Variants in MTMR2 observed in about 807,000 individuals in gnomAD.
MTMR2 encodes the protein phosphatidylinositol-3,5-bisphosphate 3-phosphatase MTMR2.
A neutral mutation model predicts 86.9 loss-of-function variants in MTMR2; 55 were observed. That is an observed-to-expected ratio of 0.63 (90% CI 0.51 to 0.79). The LOEUF (loss-of-function observed/expected upper bound fraction) is 0.79, where lower values mean the gene tolerates loss of function less well. Ranked by LOEUF, MTMR2 falls within the 30% of genes least tolerant of loss-of-function variation. The pLI is 0.00. For synonymous variants in MTMR2, 241 were observed against 266.8 expected, an observed-to-expected ratio of 0.90 and a Z score of 0.94; for missense variants, 659 against 772.3, an observed-to-expected ratio of 0.85 and a Z score of 1.74.
At chr11:95,857,476 T>C (rs1864252906) in intron 7 of MTMR2, 76 bp downstream of exon 7, 1 of 1,024,226 alleles carries the variant, frequency 9.8e-7, no homozygotes, top group Admixed American at 1.8e-5. Flanking sequence ...CTGGTTTTCG[T>C]ACATGGTTCC....
intron 9 of MTMR2, 21 bp from the exon 10 acceptor site, chr11:95,847,920 T>G: frequency 6.3e-7 from 1 of 1,586,668 alleles, no homozygotes; most frequent in Non-Finnish European, 8.6e-7. Flanking sequence ...GCACACATCA[T>G]GGAAAATCAT....
intron 1 of MTMR2, among the ~76,000 whole-genome samples, chr11:95,919,426 A>C (rs1260952897): frequency 2.0e-5 from 3 of 152,170 alleles, no homozygotes; most frequent in Non-Finnish European, 2.9e-5. Context: ...ATCAATGCTA[A>C]TGAAATTATA....
At chr11:95,893,076 C>T (rs1367515643) in intron 1 of MTMR2, among the ~76,000 whole-genome samples, 1 of 152,098 alleles carries the variant, frequency 6.6e-6, no homozygotes, top group East Asian at 1.9e-4. Flanking sequence ...TTACTATCAT[C>T]CACCCACCCA....
intron 2 of MTMR2, among the ~76,000 whole-genome samples, chr11:95,872,949 T>G (rs1864950202): frequency 6.6e-6 from 1 of 152,220 alleles, no homozygotes; most frequent in South Asian, 2.1e-4. Flanking sequence ...CAGCCTTACA[T>G]CCCAGGGATG....
chr11:95,881,684 G>A (rs472864), intron 2 of MTMR2, among the ~76,000 whole-genome samples: 42,698 of 151,546 alleles, frequency 0.28, 10,787 homozygotes, highest in African/African-American at 0.68. Flanking sequence ...TCTTGTATCC[G>A]GCAACAGTGG....
At position 95,912,464 on chromosome 11, in the gene MTMR2, A is replaced by G. The variant is rs556590555; in HGVS notation, c.80+11411T>C. 2.0e-5 allele frequency among the ~76,000 whole-genome samples: 3 copies of G among 151,870 alleles called. No homozygotes were observed. The South Asian group carries it at 6.2e-4, about 32-fold the overall frequency. ...CTATTTTAAAATGACGTTTTTTAAA[A>G]ATCATAGAATAAAAATGTCTTGAAA... On this transcript the variant is annotated intron_variant, in intron 1 of 14. Transcript: ENST00000346299.
intron 1 of MTMR2, among the ~76,000 whole-genome samples, chr11:95,898,449 T>C (rs1865955150): frequency 6.6e-6 from 1 of 152,014 alleles, no homozygotes; most frequent in African/African-American, 2.4e-5. Flanking sequence ...ACCCTTGCTG[T>C]TGTTGGTGAA....
chr11:95,909,283 TCTTCA>T (rs1479092815), intron 1 of MTMR2, among the ~76,000 whole-genome samples: 6 of 152,162 alleles, frequency 3.9e-5, no homozygotes, highest in African/African-American at 1.2e-4. Flanking sequence ...GACAAAGCAC[TCTTCA>T]CTTATTTTTT....
chr11:95,846,055 T>C (rs1863777984), intron 10 of MTMR2, among the ~76,000 whole-genome samples: 1 of 152,126 alleles, frequency 6.6e-6, no homozygotes, highest in African/African-American at 2.4e-5. Context: ...TATAAGCATA[T>C]TCTGGAAATG....
intron 3 of MTMR2, 72 bp downstream of exon 3, chr11:95,865,529 T>C: frequency 7.3e-7 from 1 of 1,366,122 alleles, no homozygotes; most frequent in South Asian, 1.2e-5. Flanking sequence ...TTATTCTCTG[T>C]ATGCTGAGAG....
Position 95,915,664 on chromosome 11 carries a change from C to A in MTMR2, c.80+8211G>T, listed in dbSNP as rs545717806. The stretch of plus-strand genomic sequence containing the variant: ...TTTATTTCCCTTATGGAAACCACAT[C>A]CTTACAACTGAAATGAGAGAAAATA... On this transcript the variant is annotated intron_variant, in intron 1 of 14. Coordinates refer to ENST00000346299, the MANE Select transcript of MTMR2 (RefSeq NM_016156.6). Among the ~76,000 whole-genome samples the A allele has an allele frequency of 2.6e-5, 4 of 152,200 alleles. No individual in the cohort carries two copies. In the East Asian group the frequency reaches 7.7e-4, roughly 29 times the overall value.
chr11:95,837,870 C>G (rs1863355543), intron 13 of MTMR2, among the ~76,000 whole-genome samples: 2 of 152,034 alleles, frequency 1.3e-5, no homozygotes, highest in African/African-American at 4.8e-5. Flanking sequence ...ACTTCCCACT[C>G]ATGAACTCAG....
intron 2 of MTMR2, among the ~76,000 whole-genome samples, chr11:95,877,209 G>A (rs909051906): frequency 1.2e-4 from 19 of 152,124 alleles, no homozygotes; most frequent in African/African-American, 2.9e-4. Context: ...GACAAGCCAC[G>A]AAGTGGCCAA....
chr11:95,897,769 G>A (rs1284164269), intron 1 of MTMR2, among the ~76,000 whole-genome samples: 1 of 152,082 alleles, frequency 6.6e-6, no homozygotes, highest in African/African-American at 2.4e-5. Context: ...GGTTGGTTCA[G>A]TAACTCTTCT....
intron 11 of MTMR2, among the ~76,000 whole-genome samples, chr11:95,843,390 T>G (rs1432218573): frequency 6.6e-6 from 1 of 152,132 alleles, no homozygotes; most frequent in East Asian, 1.9e-4. Flanking sequence ...GGGTAAAAGA[T>G]CTATTCAAAA....
At chr11:95,894,627 G>A (rs1479848676) in intron 1 of MTMR2, among the ~76,000 whole-genome samples, 1 of 152,172 alleles carries the variant, frequency 6.6e-6, no homozygotes, top group Non-Finnish European at 1.5e-5. Flanking sequence ...CACTATGGAA[G>A]CATGTGTCTT....
At chr11:95,858,448 A>G in intron 6 of MTMR2, 83 bp downstream of exon 6, 1 of 887,078 alleles carries the variant, frequency 1.1e-6, no homozygotes. Flanking sequence ...GTAAATGTAG[A>G]GATTCTAGAC....
intron 2 of MTMR2, among the ~76,000 whole-genome samples, chr11:95,868,979 C>G (rs927216744): frequency 6.0e-5 from 9 of 151,224 alleles, no homozygotes; most frequent in South Asian, 2.1e-4. Flanking sequence ...AAAAAAATAT[C>G]TTAAACTGTG....
intron 5 of MTMR2, among the ~76,000 whole-genome samples, chr11:95,858,927 T>C (rs1442918619): frequency 1.3e-5 from 2 of 152,166 alleles, no homozygotes; most frequent in Non-Finnish European, 2.9e-5. Flanking sequence ...CACTGGAGAT[T>C]AACGATATTA....
Sources: gnomAD v4.1 joint callset for allele counts (sites outside exome capture counted in the v4.1 genomes callset) on GRCh38, gnomAD v4.1.1 for gene constraint, MANE v1.5 for transcripts, NCBI Gene and HGNC (gene_info 2026-07-23, HGNC 2026-07-21) for gene names.